CDH23: variants seen among roughly 807,000 people sequenced by gnomAD.
CDH23 encodes the protein cadherin-23.
A neutral mutation model predicts 317.1 loss-of-function variants in CDH23; 189 were observed. The observed-to-expected ratio is 0.60, with a 90% CI of 0.53 to 0.67. The LOEUF (loss-of-function observed/expected upper bound fraction) is 0.67, where lower values mean the gene tolerates loss of function less well. Among genes scored for constraint, CDH23 ranks in the 30% least tolerant of loss-of-function variants. The probability of loss-of-function intolerance (pLI) is 0.00; values close to 1 mark genes in which losing one functional copy is unlikely to be tolerated. For missense variants in CDH23, 4,401 were observed against 4,592.4 expected (o/e 0.96, Z 1.20); for synonymous variants, 1,839 against 1,876.8 (o/e 0.98, Z 0.52).
chr10:71,638,441 G>A (rs920703216), intron 11 of CDH23, among the ~76,000 whole-genome samples: 1 of 152,224 alleles, frequency 6.6e-6, no homozygotes, highest in Non-Finnish European at 1.5e-5. Context: ...TGTGCTGGAG[G>A]GAGCCTGGAG....
chr10:71,603,960 C>T (rs1358296420), intron 9 of CDH23, among the ~76,000 whole-genome samples: 2 of 152,190 alleles, frequency 1.3e-5, no homozygotes, highest in Non-Finnish European at 2.9e-5. Flanking sequence ...CGCATCTTCC[C>T]CATCTCTCAG....
At chr10:71,492,344 A>G (rs927921212) in intron 3 of CDH23, among the ~76,000 whole-genome samples, 78 of 152,198 alleles carry the variant, frequency 5.1e-4, no homozygotes, top group African/African-American at 1.8e-3. Flanking sequence ...ACTAATTCCA[A>G]TGGAAAGAGG....
intron 46 of CDH23, 90 bp downstream of exon 46, chr10:71,790,503 T>G: frequency 6.6e-7 from 1 of 1,511,212 alleles, no homozygotes; most frequent in Non-Finnish European, 8.9e-7. Flanking sequence ...TTCTCAGTGC[T>G]GGACCCAGGC....
At chr10:71,805,743 C>T in intron 55 of CDH23, 63 bp from the exon 56 acceptor site, 1 of 1,495,394 alleles carries the variant, frequency 6.7e-7, no homozygotes, top group Non-Finnish European at 9.0e-7. Context: ...AGGGCTCCCT[C>T]AGGACCTAGG....
At chr10:71,779,666 G>T (rs1299512463) in intron 41 of CDH23, among the ~76,000 whole-genome samples, 1 of 152,196 alleles carries the variant, frequency 6.6e-6, no homozygotes, top group African/African-American at 2.4e-5. Context: ...GGGAACAAGG[G>T]CTGGTGGCCT....
Position 71,777,910 on chromosome 10 carries a change from C to T in CDH23, c.5067+9C>T. ...GCATCGACAGACACATGGTCAGCAG[C>T]TGATGGCAGGATCAAGACAAGGGGC... On this transcript the variant is annotated intron_variant, in intron 39 of 69. Coordinates refer to ENST00000224721, the MANE Select transcript of CDH23 (RefSeq NM_022124.6). The T allele has an allele frequency of 6.2e-7, 1 of 1,613,680 alleles. No homozygotes were observed. Among genetic ancestry groups the T allele is most frequent in the South Asian group, 1.1e-5 (1 of 91,022 alleles).
At chr10:71,564,603 G>A (rs888518481) in intron 6 of CDH23, among the ~76,000 whole-genome samples, 5 of 152,192 alleles carry the variant, frequency 3.3e-5, no homozygotes, top group East Asian at 1.9e-4. Context: ...AGGACCATGC[G>A]GTATGGACAG....
chr10:71,739,803 C>A, intron 36 of CDH23, 31 bp downstream of exon 36: 1 of 1,591,694 alleles, frequency 6.3e-7, no homozygotes, highest in Non-Finnish European at 8.6e-7. Context: ...GACTGAGAGA[C>A]CACTGGCTAA....
chr10:71,582,909 G>A (rs1858742227), intron 9 of CDH23, among the ~76,000 whole-genome samples: 1 of 152,230 alleles, frequency 6.6e-6, no homozygotes, highest in South Asian at 2.1e-4. Context: ...TCTGTGAAGA[G>A]GAGGCACAAG....
At chr10:71,408,966 T>G (rs1040098837) in intron 1 of CDH23, among the ~76,000 whole-genome samples, 15 of 152,244 alleles carry the variant, frequency 9.9e-5, no homozygotes, top group Admixed American at 9.8e-4. Flanking sequence ...TGTGTGTGTG[T>G]GCATGTGCAT....
chr10:71,792,443 A>G (rs970096186), intron 47 of CDH23, among the ~76,000 whole-genome samples: 3 of 152,210 alleles, frequency 2.0e-5, no homozygotes, highest in Admixed American at 2.0e-4. Flanking sequence ...AAGAGGAAAA[A>G]TATTAAATTT....
chr10:71,638,982 G>A (rs1445816066), intron 11 of CDH23, among the ~76,000 whole-genome samples: 1 of 152,174 alleles, frequency 6.6e-6, no homozygotes, highest in Non-Finnish European at 1.5e-5. Context: ...TGCAGCCCTA[G>A]GAGCAAAGTG....
chr10:71,467,276 G>C (rs1851300842), intron 3 of CDH23, among the ~76,000 whole-genome samples: 1 of 152,184 alleles, frequency 6.6e-6, no homozygotes, highest in South Asian at 2.1e-4. Context: ...CATTTTGTAG[G>C]TGATAATGTA....
chr10:71,612,188 G>C (rs1357344620), intron 9 of CDH23, among the ~76,000 whole-genome samples: 1 of 152,138 alleles, frequency 6.6e-6, no homozygotes, highest in African/African-American at 2.4e-5. Flanking sequence ...GGCAGGAGGT[G>C]GGAAGGTGTA....
At chr10:71,577,281 GAGAATGAGT>G (rs1466053768) in intron 8 of CDH23, among the ~76,000 whole-genome samples, 1 of 152,078 alleles carries the variant, frequency 6.6e-6, no homozygotes, top group Non-Finnish European at 1.5e-5. Context: ...GTGCTGCAGA[GAGAATGAGT>G]AGGGGTGTGG....
chr10:71,600,768 G>A lies in CDH23; in HGVS notation c.833-14736G>A, dbSNP rs185363463. 5.7e-4 allele frequency among the ~76,000 whole-genome samples: 86 copies of A among 152,060 alleles called. No homozygotes were observed. In the East Asian group the frequency reaches 0.014, roughly 25 times the overall value. On this transcript the variant is annotated intron_variant, in intron 9 of 69. Coordinates refer to ENST00000224721, the MANE Select transcript of CDH23 (RefSeq NM_022124.6). ...CCTGACCTTGTGATCCACACGCCTC[G>A]GCCTCCCAAAGTGCTGGGATTACAG...
chr10:71,517,851 T>C (rs1352362968), intron 6 of CDH23, among the ~76,000 whole-genome samples: 1 of 151,766 alleles, frequency 6.6e-6, no homozygotes, highest in Non-Finnish European at 1.5e-5. Flanking sequence ...GATGTCTCTA[T>C]GGCCCTCGGC....
At chr10:71,811,862 C>A (rs41281340) in intron 65 of CDH23, 93 bp from the exon 66 acceptor site, 2 of 1,590,242 alleles carry the variant, frequency 1.3e-6, no homozygotes, top group South Asian at 1.1e-5. Flanking sequence ...GGCCCAGGAC[C>A]ATGCCCCGCA....
Position 71,439,875 on chromosome 10 carries a change from T to C in CDH23, c.44T>C (p.Leu15Ser), listed in dbSNP as rs1203474903. 1.3e-6 allele frequency: 2 copies of C among 1,576,092 alleles called. No homozygotes were observed. Among genetic ancestry groups the C allele is most frequent in the South Asian group, 2.3e-5 (2 of 85,750 alleles). Reference sequence around the variant, plus strand: ...ACCAGCTGCCACGTGGCCTGGCTTTTGGTGCTGATCTCTGGATGCTGGGGT... The same window carrying C: ...ACCAGCTGCCACGTGGCCTGGCTTTCGGTGCTGATCTCTGGATGCTGGGGT... The part of the protein sequence containing the change: ...VATSCHVAWL[L>S]VLISGCWGQV... The change falls in exon 2 of 70, where the codon TTG (leucine) becomes TCG (serine). Residue 15 changes from leucine to serine, a missense_variant. Leu to Ser is a moderately radical substitution (Grantham distance 145, BLOSUM62 -2). Transcript: ENST00000224721.
Sources: gnomAD v4.1 joint callset for allele counts (sites outside exome capture counted in the v4.1 genomes callset) on GRCh38, gnomAD v4.1.1 for gene constraint, MANE v1.5 for transcripts, NCBI Gene and HGNC (gene_info 2026-07-23, HGNC 2026-07-21) for gene names.